NUMA1: variants seen among roughly 807,000 people sequenced by gnomAD.
The protein encoded by NUMA1 is SP-H antigen.
NUMA1 carries 62 observed loss-of-function variants against 237.1 expected under a neutral mutation model. That is an observed-to-expected ratio of 0.26 (90% CI 0.21 to 0.32). NUMA1 has a LOEUF of 0.32. Among genes scored for constraint, NUMA1 ranks in the 10% least tolerant of loss-of-function variants. NUMA1 has a pLI of 1.00. For synonymous variants in NUMA1, 1,028 were observed against 1,066.1 expected, an observed-to-expected ratio of 0.96 and a Z score of 0.70; for missense variants, 2,533 against 2,666.5, an observed-to-expected ratio of 0.95 and a Z score of 1.10.
rs754774837 is a variant in NUMA1 at position 72,013,792 on chromosome 11, C to G, written c.3711G>C (p.Leu1237=). The G allele has an allele frequency of 6.2e-7, 1 of 1,610,294 alleles. No individual in the cohort carries two copies. Among genetic ancestry groups the G allele is most frequent in the Non-Finnish European group, 8.5e-7 (1 of 1,180,012 alleles). ...CCTCCTTCTCCAGGACCTGGCGATTCAGGATGGACACCTCCTCCTCCAAGC... is the reference window on the plus strand; with the variant it reads ...CCTCCTTCTCCAGGACCTGGCGATTGAGGATGGACACCTCCTCCTCCAAGC... ...ISSLEEEVSI[L]NRQVLEKEGE... is the part of the protein sequence containing the mutation. The change falls in exon 15 of 27, where the codon CTG becomes CTC. Residue 1237 remains leucine (L), a synonymous_variant. Coordinates refer to ENST00000393695, the MANE Select transcript of NUMA1 (RefSeq NM_006185.4). This position sits in a 1 kb window ranked among gnomAD's most constrained non-coding sequence, Gnocchi z 6.8.
intron 7 of NUMA1, 192 bp downstream of exon 7, chr11:72,022,147 A>T (rs1938939646): frequency 6.0e-6 from 3 of 499,168 alleles, no homozygotes; most frequent in Non-Finnish European, 1.1e-5. Context: ...AACTCTGGGA[A>T]TGAGTTTATC....
chr11:72,014,441 G>C lies in NUMA1; in HGVS notation c.3062C>G (p.Ala1021Gly). 2 of 1,606,122 alleles carry C rather than the reference G, an allele frequency of 1.2e-6. No homozygotes were observed. The highest frequency in any genetic ancestry group is 1.7e-6 in the Non-Finnish European group (2 of 1,180,002). ...QERGRAQADL[A>G]LEKAARAELE... ...CTCTGCTCTGGCCGCCTTCTCCAGG[G>C]CAAGGTCAGCCTGGGCACGGCCCCG... The change falls in exon 15 of 27, where the codon GCC becomes GGC. Residue 1021 changes from alanine to glycine, a missense_variant. Ala to Gly is a moderately conservative substitution (Grantham distance 60). This residue lies in a region of NUMA1 where 1,414 missense variants were observed against 1,508.1 expected (regional missense o/e 0.94). Coordinates refer to ENST00000393695, the MANE Select transcript of NUMA1 (RefSeq NM_006185.4). This position sits in a 1 kb window ranked among gnomAD's most constrained non-coding sequence, Gnocchi z 4.6.
chr11:72,006,334 G>A (rs866000069), intron 21 of NUMA1, 71 bp from the exon 22 acceptor site: 16 of 1,312,848 alleles, frequency 1.2e-5, no homozygotes, highest in East Asian at 4.8e-5. Flanking sequence ...ATTCCCTTCC[G>A]AAGCCCTCAG....
At chr11:72,006,392 A>C in intron 21 of NUMA1, 129 bp from the exon 22 acceptor site, 1 of 725,172 alleles carries the variant, frequency 1.4e-6, no homozygotes. Context: ...AAAGGTCCTT[A>C]AAGTGTGTGT....
At chr11:72,077,145 ACG>A (rs2136356745) in intron 1 of NUMA1, among the ~76,000 whole-genome samples, 1 of 152,318 alleles carries the variant, frequency 6.6e-6, no homozygotes, top group East Asian at 1.9e-4. Context: ...TAAGATGTAG[ACG>A]ACAGAATGAG....
intron 2 of NUMA1, among the ~76,000 whole-genome samples, chr11:72,060,673 A>C (rs2136154590): frequency 6.6e-6 from 1 of 152,272 alleles, no homozygotes; most frequent in South Asian, 2.1e-4. Context: ...CACAAAAAAA[A>C]CAAGAGTTAA....
chr11:72,042,931 T>C (rs745497731), intron 2 of NUMA1, among the ~76,000 whole-genome samples: 1 of 151,084 alleles, frequency 6.6e-6, no homozygotes, highest in Non-Finnish European at 1.5e-5. Flanking sequence ...CGGGGCAACA[T>C]AGGGAGATCC....
intron 2 of NUMA1, chr11:72,049,560 A>AAATATATATATATATATATATATAT (rs1555034474): frequency 1.7e-4 from 7 of 41,014 alleles, no homozygotes; most frequent in South Asian, 8.3e-4. Context: ...AAATAATAAT[A>AAATATATATATATATATATATATAT]ATATATATAT....
intron 2 of NUMA1, among the ~76,000 whole-genome samples, chr11:72,069,581 T>C (rs534357499): frequency 1.6e-4 from 24 of 152,218 alleles, no homozygotes; most frequent in Non-Finnish European, 3.2e-4. Context: ...GTTTAGTGTC[T>C]GGCTCACAAG....
At chr11:72,054,238 G>A (rs184522100) in intron 2 of NUMA1, among the ~76,000 whole-genome samples, 446 of 152,244 alleles carry the variant, frequency 2.9e-3, no homozygotes, top group African/African-American at 0.01. Context: ...GGTCAAGGCA[G>A]GTGGATCGCT....
intron 20 of NUMA1, chr11:72,007,727 C>T (rs1590867767): frequency 4.3e-6 from 2 of 462,774 alleles, no homozygotes; most frequent in East Asian, 4.2e-5. Context: ...AATCTAAGCC[C>T]ACTTCTCTGT....
chr11:72,056,662 G>GAAAAAAAAA (rs1942671179), intron 2 of NUMA1, among the ~76,000 whole-genome samples: 1 of 51,028 alleles, frequency 2.0e-5, no homozygotes. Context: ...AAAAAAAAAG[G>GAAAAAAAAA]CAAGCCAAAC....
chr11:72,064,235 A>C (rs1447959872), intron 2 of NUMA1, among the ~76,000 whole-genome samples: 1 of 151,994 alleles, frequency 6.6e-6, no homozygotes, highest in Non-Finnish European at 1.5e-5. Context: ...AGGTGGGATG[A>C]TTGCTTAAGC....
At position 72,023,089 on chromosome 11, in the gene NUMA1, C is replaced by A. The variant is rs1308940188; in HGVS notation, c.267G>T (p.Glu89Asp). Residue 89 changes from glutamate to aspartate, a missense_variant, in exon 6 of 27, where the codon GAG becomes GAT. By Grantham distance (45) the Glu-to-Asp change is conservative (BLOSUM62 2). This residue lies in a region of NUMA1 where 1,414 missense variants were observed against 1,508.1 expected (regional missense o/e 0.94). Coordinates refer to ENST00000393695, the MANE Select transcript of NUMA1 (RefSeq NM_006185.4). ...CCTTCGCCAGTTCCAGCTCTGATCC[C>A]TCTAGCACCTTCTGTGCAGATACCA... is the stretch of plus-strand genomic sequence containing the variant. ...ECLVSAQKVL[E>D]GSELELAKMT... The A allele has an allele frequency of 1.9e-6, 3 of 1,613,926 alleles. No homozygotes were observed. Among genetic ancestry groups the A allele is most frequent in the Non-Finnish European group, 2.5e-6 (3 of 1,179,870 alleles).
chr11:72,005,508 G>A, intron 22 of NUMA1, 139 bp from the exon 23 acceptor site: 3 of 748,834 alleles, frequency 4.0e-6, no homozygotes, highest in Non-Finnish European at 4.4e-6. Context: ...AGTGCCGCAG[G>A]TGCAGGAGTA....
At chr11:72,045,731 C>T (rs1941957383) in intron 2 of NUMA1, among the ~76,000 whole-genome samples, 1 of 152,204 alleles carries the variant, frequency 6.6e-6, no homozygotes, top group South Asian at 2.1e-4. Flanking sequence ...CTGCCTGCTT[C>T]AGCCTCCCAA....
In NUMA1 at chr11:72,012,976, A is replaced by C; in HGVS notation, c.4527T>G (p.Thr1509=). ...TGACCTTGGCACCCTCATACTTGGC[A>C]GTCATCACCTCCAGCTCCCGGGCAG... ...QSTARELEVM[T]AKYEGAKVKV... Residue 1509 remains threonine, a synonymous_variant, in exon 15 of 27, where the codon ACT becomes ACG. Transcript: ENST00000393695. 1 of 1,614,058 alleles carries C rather than the reference A, an allele frequency of 6.2e-7. No individual in the cohort carries two copies. Among genetic ancestry groups the C allele is most frequent in the Non-Finnish European group, 8.5e-7 (1 of 1,180,004 alleles).
chr11:72,042,791 GGA>G (rs1941763568), intron 2 of NUMA1, among the ~76,000 whole-genome samples: 1 of 152,190 alleles, frequency 6.6e-6, no homozygotes, highest in Non-Finnish European at 1.5e-5. Flanking sequence ...TGCACAGTCA[GGA>G]GACAGGTAAT....
At chr11:72,022,283 G>T in intron 7 of NUMA1, 56 bp downstream of exon 7, 1 of 1,154,352 alleles carries the variant, frequency 8.7e-7, no homozygotes, top group Non-Finnish European at 1.3e-6. Context: ...AAACAAGTCA[G>T]GTGAGGTGAA....
Sources: gnomAD v4.1 joint callset for allele counts (sites outside exome capture counted in the v4.1 genomes callset) on GRCh38, gnomAD v4.1.1 for gene constraint, gnomAD v4.1.1 regional missense constraint, Gnocchi (gnomAD v3.1) non-coding constraint, MANE v1.5 for transcripts, NCBI Gene and HGNC (gene_info 2026-07-23, HGNC 2026-07-21) for gene names.